The following INTS3 variants were observed in gnomAD, a reference collection of about 807,000 sequenced individuals.
INTS3 encodes the protein SOSS complex subunit A.
A neutral mutation model predicts 146.3 loss-of-function variants in INTS3; 34 were observed. The ratio of observed to expected loss-of-function variants is 0.23; its 90% CI spans 0.18 to 0.31. INTS3 has a LOEUF of 0.31. Ranked by LOEUF, INTS3 falls within the 10% of genes least tolerant of loss-of-function variation. INTS3 has a pLI of 1.00. For missense variants in INTS3, 757 were observed against 1,304.2 expected (o/e 0.58, Z 6.46); for synonymous variants, 475 against 494.9 (o/e 0.96, Z 0.53).
intron 10 of INTS3, among the ~76,000 whole-genome samples, chr1:153,758,170 C>T (rs776714852): frequency 6.6e-6 from 1 of 152,208 alleles, no homozygotes; most frequent in Non-Finnish European, 1.5e-5. Flanking sequence ...TCTGTAAATG[C>T]AGCGAATCTG....
intron 6 of INTS3, among the ~76,000 whole-genome samples, chr1:153,750,537 G>A (rs894796242): frequency 3.3e-5 from 5 of 152,056 alleles, no homozygotes; most frequent in African/African-American, 1.2e-4. Flanking sequence ...CCAGGGAAAG[G>A]TTTGTGGCAT....
rs1672522137 is a variant in INTS3, at chr1:153,764,966, GACA to G, written c.1997_1999del (p.Asn666del). 2 of 1,614,000 alleles carry G rather than the reference GACA, an allele frequency of 1.2e-6. No individual in the cohort carries two copies. Among genetic ancestry groups the G allele is most frequent in the Non-Finnish European group, 1.7e-6 (2 of 1,180,012 alleles). On this transcript the variant is annotated inframe_deletion, in exon 20 of 30. Transcript: ENST00000318967. ...CAGGAACCTATGTCAGATGCAGGAA[GACA>G]ACAGCAGCTTCTCTCTACTTCTAGA...
intron 20 of INTS3, among the ~76,000 whole-genome samples, chr1:153,765,445 C>T (rs1672542244): frequency 6.6e-6 from 1 of 152,148 alleles, no homozygotes; most frequent in Non-Finnish European, 1.5e-5. Flanking sequence ...CCTGCTTCAG[C>T]CTCCTGAGTA....
chr1:153,732,364 T>C (rs1570829181), intron 1 of INTS3, among the ~76,000 whole-genome samples: 1 of 152,134 alleles, frequency 6.6e-6, no homozygotes, highest in South Asian at 2.1e-4. Flanking sequence ...CAAATCATAA[T>C]TTCATATACC....
At chr1:153,734,901 G>A (rs1047614253) in intron 1 of INTS3, among the ~76,000 whole-genome samples, 1 of 152,306 alleles carries the variant, frequency 6.6e-6, no homozygotes, top group East Asian at 1.9e-4. Context: ...TAGTGTCTGG[G>A]AGTGGAGAGG....
chr1:153,741,606 T>TTTTAAATTTTAAA (rs1671537230), intron 3 of INTS3, among the ~76,000 whole-genome samples: 1 of 151,726 alleles, frequency 6.6e-6, no homozygotes, highest in Non-Finnish European at 1.5e-5. Flanking sequence ...AAAAACAGAG[T>TTTTAAATTTTAAA]TTTAAATTTT....
chr1:153,767,910 CCCT>C (rs1368437749), intron 21 of INTS3, 83 bp downstream of exon 21: 39 of 1,382,338 alleles, frequency 2.8e-5, no homozygotes, highest in Non-Finnish European at 3.5e-5. Context: ...CAACCCTGAA[CCCT>C]CTTTTGTTCA....
In INTS3 at chr1:153,748,672, TC is replaced by T. The variant is rs768695082; in HGVS notation, c.518-13del. Reference sequence around the variant, plus strand: ...TTGCTAATCGGAGCTATTCTTTTTTTCCCCTTTTGAAATCAGGTGGAGATGT... The same window carrying T: ...TTGCTAATCGGAGCTATTCTTTTTTTCCCTTTTGAAATCAGGTGGAGATGT... On this transcript the variant is annotated splice_polypyrimidine_tract_variant and intron_variant, in intron 5 of 29. Transcript: ENST00000318967. 1.2e-6 allele frequency: 2 copies of T among 1,609,584 alleles called. No homozygotes were observed. The highest frequency in any genetic ancestry group is 2.2e-5 in the South Asian group (2 of 90,990).
chr1:153,762,007 C>G (rs1273954771), intron 14 of INTS3, among the ~76,000 whole-genome samples: 1 of 152,266 alleles, frequency 6.6e-6, no homozygotes, highest in East Asian at 1.9e-4. Context: ...CTTCCCAGCT[C>G]TAGGCCCTGG....
At chr1:153,759,900 C>T in intron 11 of INTS3, 1 of 517,706 alleles carries the variant, frequency 1.9e-6, no homozygotes, top group Non-Finnish European at 3.4e-6. Context: ...TTCTCCTCAC[C>T]TATTACTTCC....
At chr1:153,760,101 G>A (rs547478230) in intron 11 of INTS3, 39 of 583,674 alleles carry the variant, frequency 6.7e-5, no homozygotes, top group South Asian at 3.7e-4. Context: ...GCGTGGTGGC[G>A]CACACCTGTA....
chr1:153,755,450 G>T (rs1672125369), intron 9 of INTS3, among the ~76,000 whole-genome samples: 1 of 152,024 alleles, frequency 6.6e-6, no homozygotes, highest in African/African-American at 2.4e-5. Flanking sequence ...AATAGAGACG[G>T]GATTTTTCCA....
intron 19 of INTS3, 98 bp downstream of exon 19, chr1:153,764,832 G>T (rs1672515861): frequency 6.5e-7 from 1 of 1,541,034 alleles, no homozygotes; most frequent in African/African-American, 1.4e-5. Context: ...TCGCTTTCCA[G>T]GGAGGAGGAC....
intron 25 of INTS3, 37 bp from the exon 26 acceptor site, chr1:153,771,759 T>C (rs754404802): frequency 2.5e-6 from 4 of 1,583,180 alleles, no homozygotes; most frequent in Admixed American, 3.5e-5. Context: ...CTGCGGCCAC[T>C]GTGCAAGCAG....
In INTS3 at chr1:153,728,556, C is replaced by G; in HGVS notation, c.-79C>G. 1 of 1,497,054 alleles carries G rather than the reference C, an allele frequency of 6.7e-7. No homozygotes were observed. The highest frequency in any genetic ancestry group is 8.9e-7 in the Non-Finnish European group (1 of 1,124,442). The allele number at this position is 1,497,054 out of a possible 1,614,324, so 92.7% of individuals were successfully genotyped here. The stretch of plus-strand genomic sequence containing the variant: ...ACTTGTTCCTCTTGCCCCCCAGTCC[C>G]TGGCAATCCAGAGATCCCGATATCT... On this transcript the variant is annotated 5_prime_UTR_variant, in exon 1 of 30. Coordinates refer to ENST00000318967, the MANE Select transcript of INTS3 (RefSeq NM_023015.5).
At chr1:153,771,007 T>G (rs1204104615) in intron 25 of INTS3, among the ~76,000 whole-genome samples, 2 of 152,126 alleles carry the variant, frequency 1.3e-5, no homozygotes, top group Admixed American at 1.3e-4. Context: ...ACAGCAGTTC[T>G]AATCCCTGGT....
At position 153,772,099 on chromosome 1, in the gene INTS3, GT is replaced by G; in HGVS notation, c.2720+137del. On this transcript the variant is annotated intron_variant, in intron 26 of 29. Coordinates refer to ENST00000318967, the MANE Select transcript of INTS3 (RefSeq NM_023015.5). This position sits in a 1 kb window ranked among gnomAD's most constrained non-coding sequence, Gnocchi z 4.6. ...CCTGGTTTGTGGGCGACATCTAGTGGTCCGAAGCCACATGGCATGCGAGACC... is the reference window on the plus strand; with the variant it reads ...CCTGGTTTGTGGGCGACATCTAGTGGCCGAAGCCACATGGCATGCGAGACC... The G allele has an allele frequency of 9.6e-7, 1 of 1,042,994 alleles. No homozygotes were observed. The highest frequency in any genetic ancestry group is 1.6e-5 in the South Asian group (1 of 64,012). 64.6% of individuals were successfully genotyped at this position (1,042,994 alleles called of 1,614,324 possible). A position where few individuals can be genotyped will look rare whatever the true frequency, so the allele number is the denominator to read the frequency against.
chr1:153,748,945 G>A (rs548291784), intron 6 of INTS3, among the ~76,000 whole-genome samples, 190 bp downstream of exon 6: 15 of 152,308 alleles, frequency 9.8e-5, no homozygotes, highest in African/African-American at 3.1e-4. Context: ...TGAAGGAATG[G>A]GAAAGAGGTC....
At chr1:153,745,740 T>G (rs149578778) in intron 3 of INTS3, among the ~76,000 whole-genome samples, 1 of 152,070 alleles carries the variant, frequency 6.6e-6, no homozygotes, top group African/African-American at 2.4e-5. Context: ...CCCCCAGGAT[T>G]TGGTATGCTA....
Sources: gnomAD v4.1 joint callset for allele counts (sites outside exome capture counted in the v4.1 genomes callset) on GRCh38, gnomAD v4.1.1 for gene constraint, Gnocchi (gnomAD v3.1) non-coding constraint, MANE v1.5 for transcripts, NCBI Gene and HGNC (gene_info 2026-07-23, HGNC 2026-07-21) for gene names.